Variants in YPEL2 observed in about 807,000 individuals in gnomAD.
YPEL2 encodes the protein yippee like 2.
Under a neutral mutation model 19.1 loss-of-function variants are expected in YPEL2, and 2 were observed. The ratio of observed to expected loss-of-function variants is 0.10; its 90% CI spans 0.04 to 0.33. The LOEUF (loss-of-function observed/expected upper bound fraction) is 0.33, where lower values mean the gene tolerates loss of function less well. Ranked by LOEUF, YPEL2 falls within the 10% of genes least tolerant of loss-of-function variation. The pLI is 1.00. For missense variants in YPEL2, 66 were observed against 140.7 expected, an observed-to-expected ratio of 0.47 and a Z score of 2.68; for synonymous variants, 52 against 50.0, an observed-to-expected ratio of 1.04 and a Z score of -0.17.
Position 59,337,596 on chromosome 17 carries a change from C to T in YPEL2, c.-196+5772C>T, listed in dbSNP as rs118113976. On this transcript the variant is annotated intron_variant, in intron 1 of 4. Transcript: ENST00000312655. ...TTGGAAATTTATAGCATGATAAATG[C>T]TATAAATGCTATAAATGATAAATGC... is the stretch of plus-strand genomic sequence containing the variant. 9.3e-3 allele frequency among the ~76,000 whole-genome samples: 1,411 copies of T among 152,172 alleles called. 12 individuals carry two copies. Among genetic ancestry groups the T allele is most frequent in the Non-Finnish European group, 0.014 (942 of 68,002 alleles).
rs2048070917 is a variant in YPEL2, at chr17:59,401,477, C to T, written c.*4287C>T. 1 of 152,574 alleles carries T rather than the reference C, an allele frequency of 6.6e-6. No individual in the cohort carries two copies. 9.5% of individuals were successfully genotyped at this position (152,574 alleles called of 1,614,324 possible). On this transcript the variant is annotated 3_prime_UTR_variant, in exon 5 of 5. Coordinates refer to ENST00000312655, the MANE Select transcript of YPEL2 (RefSeq NM_001005404.4). ...TTCCCAACCTGCAGAGACTATCTTCCAATACAGAATCTGTCTATTTATGCT... is the reference window on the plus strand; with the variant it reads ...TTCCCAACCTGCAGAGACTATCTTCTAATACAGAATCTGTCTATTTATGCT...
At chr17:59,389,311 A>T in intron 3 of YPEL2, 49 bp from the exon 4 acceptor site, 2 of 1,515,716 alleles carry the variant, frequency 1.3e-6, no homozygotes, top group Non-Finnish European at 1.8e-6. Flanking sequence ...TGAATGCCTG[A>T]TGTGCGTGTC....
At chr17:59,394,242 C>T (rs1271700504) in intron 4 of YPEL2, among the ~76,000 whole-genome samples, 4 of 152,112 alleles carry the variant, frequency 2.6e-5, no homozygotes, top group Non-Finnish European at 1.5e-5. Context: ...GGAGACACTC[C>T]TCACTTCCCA....
intron 2 of YPEL2, chr17:59,356,412 A>G (rs1034134401): frequency 2.0e-5 from 3 of 152,124 alleles, no homozygotes; most frequent in Admixed American, 6.5e-5. Flanking sequence ...GCTCCCTTCT[A>G]TCAGTGTGCC....
chr17:59,353,819 A>AGCTT lies in YPEL2; in HGVS notation c.117+299_117+302dup. 2.5e-6 allele frequency: 1 copy of AGCTT among 398,470 alleles called. No homozygotes were observed. The highest frequency in any genetic ancestry group is 4.8e-6 in the Non-Finnish European group (1 of 208,410). The allele number at this position is 398,470 out of a possible 1,614,324, so 24.7% of individuals were successfully genotyped here. On this transcript the variant is annotated intron_variant, in intron 2 of 4. Transcript: ENST00000312655. This position sits in a 1 kb window ranked among gnomAD's most constrained non-coding sequence, Gnocchi z 4.8. ...GGGGATTGATGGGAGCCTTGTTCTC[A>AGCTT]GCTTGCTTGGTTTAGGTTGGCGGAC... is the stretch of plus-strand genomic sequence containing the variant.
chr17:59,359,994 A>G (rs1185292023), intron 2 of YPEL2, among the ~76,000 whole-genome samples: 2 of 151,638 alleles, frequency 1.3e-5, no homozygotes, highest in Non-Finnish European at 2.9e-5. Flanking sequence ...CCGCCTCCTG[A>G]GTTCAAGAGA....
At chr17:59,336,331 AT>A (rs1248465854) in intron 1 of YPEL2, among the ~76,000 whole-genome samples, 1 of 152,174 alleles carries the variant, frequency 6.6e-6, no homozygotes, top group East Asian at 1.9e-4. Context: ...TTTTGTTGTC[AT>A]TAATAATAAA....
intron 2 of YPEL2, among the ~76,000 whole-genome samples, chr17:59,366,854 T>A (rs551989964): frequency 6.6e-6 from 1 of 152,328 alleles, no homozygotes; most frequent in South Asian, 2.1e-4. Flanking sequence ...TTCTTGATTC[T>A]TCCCGCAGCG....
chr17:59,349,647 A>G (rs999679041), intron 1 of YPEL2, among the ~76,000 whole-genome samples: 1 of 151,820 alleles, frequency 6.6e-6, no homozygotes, highest in African/African-American at 2.4e-5. Context: ...CGGCCCCCAC[A>G]GGCTGGCCTT....
At chr17:59,381,103 G>C (rs1188377057) in intron 2 of YPEL2, among the ~76,000 whole-genome samples, 1 of 152,166 alleles carries the variant, frequency 6.6e-6, no homozygotes, top group Non-Finnish European at 1.5e-5. Flanking sequence ...AAATGGACAT[G>C]GTTTCTACTT....
intron 1 of YPEL2, among the ~76,000 whole-genome samples, chr17:59,340,958 G>A (rs1393553020): frequency 1.3e-5 from 2 of 148,718 alleles, no homozygotes; most frequent in African/African-American, 5.0e-5. Context: ...CAGGCTATCT[G>A]CCCGCCTCAG....
At chr17:59,367,361 G>A (rs1310680513) in intron 2 of YPEL2, among the ~76,000 whole-genome samples, 1 of 152,168 alleles carries the variant, frequency 6.6e-6, no homozygotes, top group African/African-American at 2.4e-5. Context: ...GGGGCTGTTT[G>A]CAGTCTTGAT....
intron 4 of YPEL2, 66 bp from the exon 5 acceptor site, chr17:59,397,031 AAAAG>A: frequency 7.6e-7 from 1 of 1,320,238 alleles, no homozygotes; most frequent in South Asian, 1.5e-5. Flanking sequence ...ACTGCCTCAA[AAAAG>A]AAAAAAAAAA....
At chr17:59,346,047 G>T (rs1257604319) in intron 1 of YPEL2, among the ~76,000 whole-genome samples, 1 of 152,200 alleles carries the variant, frequency 6.6e-6, no homozygotes, top group East Asian at 1.9e-4. Flanking sequence ...TGTGCTCTCT[G>T]CTCTAGGCTC....
chr17:59,363,252 G>C (rs1196116614), intron 2 of YPEL2: 1 of 151,594 alleles, frequency 6.6e-6, no homozygotes, highest in Non-Finnish European at 1.5e-5. Context: ...GCATCCCAAA[G>C]TGTTGGGATT....
intron 4 of YPEL2, among the ~76,000 whole-genome samples, chr17:59,391,696 G>A (rs943814350): frequency 6.6e-6 from 1 of 152,030 alleles, no homozygotes; most frequent in African/African-American, 2.4e-5. Flanking sequence ...TCAAGAGTTC[G>A]AGACCCGCCT....
chr17:59,350,511 T>C (rs148502174), intron 1 of YPEL2, among the ~76,000 whole-genome samples: 13 of 152,328 alleles, frequency 8.5e-5, no homozygotes, highest in African/African-American at 2.9e-4. Context: ...CCAGACAGCC[T>C]GGGCCATTGC....
intron 1 of YPEL2, among the ~76,000 whole-genome samples, chr17:59,332,832 G>A (rs1297351370): frequency 6.6e-6 from 1 of 152,196 alleles, no homozygotes; most frequent in Admixed American, 6.5e-5. Context: ...TGGGGTTTTT[G>A]CTTTCTGGCC....
chr17:59,362,674 G>A (rs1188141426), intron 2 of YPEL2: 2 of 152,142 alleles, frequency 1.3e-5, no homozygotes. Context: ...TTAGCGTCTA[G>A]GCTCTCAGCA....
Sources: gnomAD v4.1 joint callset for allele counts (sites outside exome capture counted in the v4.1 genomes callset) on GRCh38, gnomAD v4.1.1 for gene constraint, Gnocchi (gnomAD v3.1) non-coding constraint, MANE v1.5 for transcripts, NCBI Gene and HGNC (gene_info 2026-07-23, HGNC 2026-07-21) for gene names.